Variants in ZNF362 observed in about 807,000 individuals in gnomAD.
ZNF362 encodes rotund homolog.
A neutral mutation model predicts 42.9 loss-of-function variants in ZNF362; 11 were observed. The observed-to-expected ratio is 0.26, with a 90% confidence interval of 0.16 to 0.42. ZNF362 has a LOEUF of 0.42. Among genes scored for constraint, ZNF362 ranks in the 20% least tolerant of loss-of-function variants. The pLI, the probability that ZNF362 is intolerant of heterozygous loss-of-function variation, is 1.00. For synonymous variants in ZNF362, 255 were observed against 257.3 expected (o/e 0.99, Z 0.09); for missense variants, 362 against 576.2 (o/e 0.63, Z 3.81).
Position 33,281,901 on chromosome 1 carries a change from ACCTTCT to A in ZNF362, c.908+93_908+98del. On this transcript the variant is annotated intron_variant, in intron 6 of 8. Transcript: ENST00000539719. This position sits in a 1 kb window ranked among gnomAD's most constrained non-coding sequence, Gnocchi z 4.8. ...GGAGCCAGTGCAAGGAGGGGCAAGG[ACCTTCT>A]CCAGGTGCCCATTGCCCTCGGGGTC... 2 of 1,402,458 alleles carry A rather than the reference ACCTTCT, an allele frequency of 1.4e-6. No individual in the cohort carries two copies. The highest frequency in any genetic ancestry group is 3.6e-5 in the Admixed American group (2 of 56,144). 86.9% of individuals were successfully genotyped at this position (1,402,458 alleles called of 1,614,324 possible). A position where few individuals can be genotyped will look rare whatever the true frequency, so the allele number is the denominator to read the frequency against.
At chr1:33,215,849 G>C in the ZNF362 span, among the ~76,000 whole-genome samples, 1 of 150,774 alleles carries the variant, frequency 6.6e-6, no homozygotes, top group Non-Finnish European at 1.5e-5. Flanking sequence ...TTTGAAAAAG[G>C]TTTTCTGCCA....
At chr1:33,217,737 C>T in the ZNF362 span, among the ~76,000 whole-genome samples, 1 of 151,994 alleles carries the variant, frequency 6.6e-6, no homozygotes, top group East Asian at 1.9e-4. Context: ...AGGTAGCCAC[C>T]ATTAAGATTT....
At chr1:33,253,918 G>A (rs1380561798), upstream of ZNF362, among the ~76,000 whole-genome samples, 1 of 152,036 alleles carries the variant, frequency 6.6e-6, no homozygotes, top group Non-Finnish European at 1.5e-5. Flanking sequence ...AACATTTTTA[G>A]ATTTATAGAA....
the ZNF362 span, among the ~76,000 whole-genome samples, chr1:33,196,795 T>G: frequency 6.6e-6 from 1 of 152,184 alleles, no homozygotes; most frequent in Non-Finnish European, 1.5e-5. Flanking sequence ...TACACCAGCA[T>G]CACTACAAAC....
At chr1:33,185,136 ATCCTTTCAG>A in the ZNF362 span, among the ~76,000 whole-genome samples, 3 of 152,092 alleles carry the variant, frequency 2.0e-5, no homozygotes, top group Admixed American at 2.0e-4. Flanking sequence ...TATTGTCTAA[ATCCTTTCAG>A]TAGATAGTCT....
chr1:33,252,410 T>C (rs1051230581), upstream of ZNF362, among the ~76,000 whole-genome samples: 3 of 152,192 alleles, frequency 2.0e-5, no homozygotes, highest in Admixed American at 2.0e-4. Context: ...CTATTCTCTT[T>C]TCTTCTGCCA....
chr1:33,264,285 C>T (rs1045757455), intron 1 of ZNF362, among the ~76,000 whole-genome samples: 1 of 152,096 alleles, frequency 6.6e-6, no homozygotes, highest in Non-Finnish European at 1.5e-5. Flanking sequence ...TGAAGGCCAC[C>T]CAGAGCTACT....
At chr1:33,261,971 T>G (rs944899683) in intron 1 of ZNF362, among the ~76,000 whole-genome samples, 1 of 152,166 alleles carries the variant, frequency 6.6e-6, no homozygotes, top group Non-Finnish European at 1.5e-5. Flanking sequence ...GGGCAACATT[T>G]TTGGATGCAC....
At chr1:33,135,149 G>T in the ZNF362 span, among the ~76,000 whole-genome samples, 1 of 152,208 alleles carries the variant, frequency 6.6e-6, no homozygotes, top group Admixed American at 6.5e-5. Context: ...ATTTAGCCGG[G>T]CATGGTGGCA....
the ZNF362 span, among the ~76,000 whole-genome samples, chr1:33,247,129 A>G: frequency 6.6e-6 from 1 of 152,314 alleles, no homozygotes; most frequent in Non-Finnish European, 1.5e-5. Context: ...CCTTTCTAGA[A>G]TTAGTAGACT....
At chr1:33,147,380 C>T in the ZNF362 span, 19 of 1,614,148 alleles carry the variant, frequency 1.2e-5, no homozygotes, top group South Asian at 6.6e-5. This position sits in a 1 kb window ranked among gnomAD's most constrained non-coding sequence, Gnocchi z 8.1. Context: ...TTGTCCCGGA[C>T]GTTAAGCCGC....
At chr1:33,245,481 C>T in the ZNF362 span, among the ~76,000 whole-genome samples, 1 of 152,024 alleles carries the variant, frequency 6.6e-6, no homozygotes, top group South Asian at 2.1e-4. Context: ...GAGAGATATG[C>T]CCATGTCCTA....
the ZNF362 span, among the ~76,000 whole-genome samples, chr1:33,224,581 G>A: frequency 6.6e-6 from 1 of 152,140 alleles, no homozygotes; most frequent in Admixed American, 6.5e-5. Flanking sequence ...CAGTGGACAT[G>A]TCTAAATTAT....
the ZNF362 span, among the ~76,000 whole-genome samples, chr1:33,154,677 A>T: frequency 6.6e-6 from 1 of 151,712 alleles, no homozygotes; most frequent in East Asian, 2.0e-4. Flanking sequence ...GTGTGCCTGT[A>T]ATCCCAGCTA....
Position 33,280,076 on chromosome 1 carries a change from G to A in ZNF362, c.350-48G>A. On this transcript the variant is annotated intron_variant, in intron 4 of 8. Transcript: ENST00000539719. The surrounding 1 kb of genome is among the most constrained non-coding windows in gnomAD (Gnocchi z 5.6). ...CATAGCTGGGTGGGCAGCTGAGCTGGCCTCTGCAGCTCCGCTCACCCCTGC... is the reference window on the plus strand; with the variant it reads ...CATAGCTGGGTGGGCAGCTGAGCTGACCTCTGCAGCTCCGCTCACCCCTGC... 1 of 1,512,706 alleles carries A rather than the reference G, an allele frequency of 6.6e-7. No individual in the cohort carries two copies. The highest frequency in any genetic ancestry group is 1.3e-5 in the South Asian group (1 of 76,530). The allele number at this position is 1,512,706 out of a possible 1,614,324, so 93.7% of individuals were successfully genotyped here.
chr1:33,255,434 G>T (rs1444629001), upstream of ZNF362, among the ~76,000 whole-genome samples: 1 of 151,860 alleles, frequency 6.6e-6, no homozygotes, highest in Admixed American at 6.6e-5. Context: ...CAGCGGTCGG[G>T]GGGTGGTGGA....
At chr1:33,205,137 G>C in the ZNF362 span, among the ~76,000 whole-genome samples, 22 of 151,230 alleles carry the variant, frequency 1.5e-4, no homozygotes, top group Non-Finnish European at 2.8e-4. Flanking sequence ...GTGTGTTTTT[G>C]TGTGTGTGTG....
At chr1:33,150,580 A>G in the ZNF362 span, among the ~76,000 whole-genome samples, 1 of 152,236 alleles carries the variant, frequency 6.6e-6, no homozygotes, top group South Asian at 2.1e-4. Context: ...TCCTCTGTCC[A>G]GGGACATAGA....
At chr1:33,229,159 C>T in the ZNF362 span, among the ~76,000 whole-genome samples, 1 of 152,140 alleles carries the variant, frequency 6.6e-6, no homozygotes, top group Non-Finnish European at 1.5e-5. Flanking sequence ...CCAGGACTCT[C>T]TAGCCCCTCT....
Sources: allele counts gnomAD v4.1 joint callset (sites outside exome capture counted in the v4.1 genomes callset), GRCh38; gene constraint gnomAD v4.1.1; non-coding constraint Gnocchi (gnomAD v3.1); transcripts MANE v1.5; gene names NCBI Gene and HGNC (gene_info 2026-07-23, HGNC 2026-07-21).